The following HLCS variants were observed in gnomAD, a reference collection of about 807,000 sequenced individuals.
HLCS encodes the protein biotin--protein ligase.
In HLCS, 53 loss-of-function variants were observed where a neutral mutation model predicts 75.0. That is an observed-to-expected ratio of 0.71 (90% confidence interval 0.57 to 0.89). The LOEUF (loss-of-function observed/expected upper bound fraction) is 0.89, where lower values mean the gene tolerates loss of function less well. Ranked by LOEUF, HLCS falls within the 40% of genes least tolerant of loss-of-function variation. The pLI is 0.00. For synonymous variants in HLCS, 431 were observed against 428.6 expected, an observed-to-expected ratio of 1.01 and a Z score of -0.07; for missense variants, 966 against 1,074.0, an observed-to-expected ratio of 0.90 and a Z score of 1.41.
chr21:36,898,488 G>A (rs1601671744), intron 5 of HLCS, among the ~76,000 whole-genome samples: 1 of 139,686 alleles, frequency 7.2e-6, no homozygotes, highest in African/African-American at 2.7e-5. Flanking sequence ...AAAGCATTCA[G>A]AAGAAATCCA....
chr21:36,775,444 G>A (rs927348503), intron 6 of HLCS, among the ~76,000 whole-genome samples: 17 of 152,224 alleles, frequency 1.1e-4, no homozygotes, highest in African/African-American at 4.1e-4. Flanking sequence ...TTAAACTGGT[G>A]CTATTACAGA....
At chr21:36,815,273 C>A (rs1178545572) in intron 6 of HLCS, among the ~76,000 whole-genome samples, 1 of 152,146 alleles carries the variant, frequency 6.6e-6, no homozygotes, top group Non-Finnish European at 1.5e-5. Context: ...AAATGATCCA[C>A]CTGCCTTGGC....
intron 6 of HLCS, among the ~76,000 whole-genome samples, chr21:36,888,630 G>T (rs73389322): frequency 6.6e-6 from 1 of 151,048 alleles, no homozygotes; most frequent in Non-Finnish European, 1.5e-5. Flanking sequence ...ACCTAAAAGC[G>T]CCAGAAGTCA....
At position 36,749,327 on chromosome 21, in the gene HLCS, T is replaced by C. The variant is rs2089292568; in HGVS notation, c.*4919A>G. The C allele has an allele frequency of 6.6e-6, 1 of 152,566 alleles. No individual in the cohort carries two copies. Among genetic ancestry groups the C allele is most frequent in the African/African-American group, 2.4e-5 (1 of 41,464 alleles). The allele number at this position is 152,566 out of a possible 1,614,324, so 9.5% of individuals were successfully genotyped here. A position where few individuals can be genotyped will look rare whatever the true frequency, so the allele number is the denominator to read the frequency against. ...GCAGCATTTTGCTGCTTTATCAAAA[T>C]GGTTTATTTTAGGAAACTTTTTCCA... On this transcript the variant is annotated 3_prime_UTR_variant, in exon 11 of 11. Transcript: ENST00000674895.
At position 36,962,444 on chromosome 21, in the gene HLCS, G is replaced by A. The variant is rs142994070; in HGVS notation, c.196-274C>T. 1.7e-3 allele frequency among the ~76,000 whole-genome samples: 264 copies of A among 152,194 alleles called. 1 individual carries two copies. Among genetic ancestry groups the A allele is most frequent in the African/African-American group, 5.2e-3 (214 of 41,534 alleles). On this transcript the variant is annotated intron_variant, in intron 1 of 10. Coordinates refer to ENST00000674895, the MANE Select transcript of HLCS (RefSeq NM_001352514.2). Reference sequence around the variant, plus strand: ...GAATTCTGAAACGGGGCCTATCCCCGCCATTCCTCACTGCTTAGCACACAG... The same window carrying A: ...GAATTCTGAAACGGGGCCTATCCCCACCATTCCTCACTGCTTAGCACACAG...
chr21:36,874,964 T>C (rs1962372329), intron 6 of HLCS, among the ~76,000 whole-genome samples: 1 of 152,272 alleles, frequency 6.6e-6, no homozygotes, highest in African/African-American at 2.4e-5. Flanking sequence ...CAGTGCAAAG[T>C]TGTAGCCAAG....
Position 36,754,181 on chromosome 21 carries a change from A to G in HLCS, c.*65T>C. ...TGGAGGAAAAGAAAATTCACCTACAACTCTAAATTAGATTTCCAGATGCAT... is the reference window on the plus strand; with the variant it reads ...TGGAGGAAAAGAAAATTCACCTACAGCTCTAAATTAGATTTCCAGATGCAT... On this transcript the variant is annotated 3_prime_UTR_variant, in exon 11 of 11. Coordinates refer to ENST00000674895, the MANE Select transcript of HLCS (RefSeq NM_001352514.2). The G allele has an allele frequency of 6.7e-7, 1 of 1,491,798 alleles. No homozygotes were observed. 92.4% of individuals were successfully genotyped at this position (1,491,798 alleles called of 1,614,324 possible).
chr21:36,819,827 A>G (rs762482992), intron 6 of HLCS, among the ~76,000 whole-genome samples: 2 of 152,222 alleles, frequency 1.3e-5, no homozygotes, highest in Non-Finnish European at 2.9e-5. Context: ...AGGGGAAAAC[A>G]TAATACCATG....
At chr21:36,851,939 C>G (rs998862284) in intron 6 of HLCS, 1 of 152,258 alleles carries the variant, frequency 6.6e-6, no homozygotes, top group African/African-American at 2.4e-5. Flanking sequence ...CCGCAGGCAC[C>G]CTGCTTGTCC....
At chr21:36,884,121 G>C (rs115892047) in intron 6 of HLCS, among the ~76,000 whole-genome samples, 2,354 of 152,296 alleles carry the variant, frequency 0.015, 62 homozygotes, top group African/African-American at 0.053. Context: ...AACTTACCTA[G>C]ATCAGTTTAT....
chr21:36,816,539 A>C (rs2061670759), intron 6 of HLCS, among the ~76,000 whole-genome samples: 1 of 152,174 alleles, frequency 6.6e-6, no homozygotes, highest in Non-Finnish European at 1.5e-5. Flanking sequence ...GCTACTTTGC[A>C]TGAAGCTCTG....
intron 8 of HLCS, among the ~76,000 whole-genome samples, chr21:36,760,695 T>C (rs570206615): frequency 3.0e-4 from 45 of 152,084 alleles, no homozygotes; most frequent in African/African-American, 1.0e-3. Context: ...ATGGTCATCT[T>C]GGGTAATGGA....
At chr21:36,829,067 T>C (rs1050114069) in intron 6 of HLCS, among the ~76,000 whole-genome samples, 2 of 152,236 alleles carry the variant, frequency 1.3e-5, no homozygotes, top group African/African-American at 2.4e-5. Context: ...CTGGTTTTCA[T>C]GGTTTGGCAA....
chr21:36,977,637 C>T (rs1045069796), intron 1 of HLCS, among the ~76,000 whole-genome samples: 3 of 152,194 alleles, frequency 2.0e-5, no homozygotes, highest in African/African-American at 7.2e-5. Flanking sequence ...TGTGAGTTGC[C>T]GTTTGTGTAG....
chr21:36,754,438 G>A, intron 10 of HLCS, 21 bp from the exon 11 acceptor site: 1 of 1,606,848 alleles, frequency 6.2e-7, no homozygotes, highest in Non-Finnish European at 8.5e-7. Flanking sequence ...AGAACAGCGT[G>A]CGGTCACTGG....
intron 5 of HLCS, among the ~76,000 whole-genome samples, chr21:36,899,890 G>C (rs1221230204): frequency 6.6e-6 from 1 of 152,190 alleles, no homozygotes; most frequent in Non-Finnish European, 1.5e-5. Flanking sequence ...GATCACTCGA[G>C]GTCAGGAGTT....
At chr21:36,822,027 C>A (rs1601398874) in intron 6 of HLCS, among the ~76,000 whole-genome samples, 1 of 152,110 alleles carries the variant, frequency 6.6e-6, no homozygotes, top group African/African-American at 2.4e-5. Context: ...GCCAGTCATC[C>A]TCACCCTCCC....
intron 5 of HLCS, among the ~76,000 whole-genome samples, chr21:36,915,243 G>A (rs576488468): frequency 3.9e-5 from 6 of 152,326 alleles, no homozygotes; most frequent in Non-Finnish European, 5.9e-5. Flanking sequence ...TTTTTCTAAC[G>A]AGAAAACGAG....
At chr21:36,874,688 G>T (rs1224286713) in intron 6 of HLCS, among the ~76,000 whole-genome samples, 1 of 152,220 alleles carries the variant, frequency 6.6e-6, no homozygotes, top group Non-Finnish European at 1.5e-5. Flanking sequence ...CCACTGTGGG[G>T]ACACCAGCTG....
Sources: gnomAD v4.1 joint callset for allele counts (sites outside exome capture counted in the v4.1 genomes callset) on GRCh38, gnomAD v4.1.1 for gene constraint, MANE v1.5 for transcripts, NCBI Gene and HGNC (gene_info 2026-07-23, HGNC 2026-07-21) for gene names.